The following PRKACB variants were observed in gnomAD, a reference collection of about 807,000 sequenced individuals.
The protein encoded by PRKACB is cAMP-dependent protein kinase catalytic subunit beta.
A neutral mutation model predicts 51.4 loss-of-function variants in PRKACB; 16 were observed. The observed-to-expected ratio is 0.31, with a 90% CI of 0.21 to 0.47. The LOEUF is 0.47. Ranked by LOEUF, PRKACB falls within the 20% of genes least tolerant of loss-of-function variation. The pLI is 1.00. For missense variants in PRKACB, 309 were observed against 464.5 expected, an observed-to-expected ratio of 0.67 and a Z score of 3.08; for synonymous variants, 147 against 154.4, an observed-to-expected ratio of 0.95 and a Z score of 0.35.
chr1:84,191,928 A>G (rs998394632), intron 5 of PRKACB, among the ~76,000 whole-genome samples: 2 of 152,146 alleles, frequency 1.3e-5, no homozygotes, highest in African/African-American at 2.4e-5. Context: ...GCACCCATTT[A>G]TCCAAATAGA....
intron 5 of PRKACB, among the ~76,000 whole-genome samples, chr1:84,194,641 G>A (rs1404696157): frequency 6.6e-6 from 1 of 152,074 alleles, no homozygotes; most frequent in African/African-American, 2.4e-5. Flanking sequence ...TCGATTATAG[G>A]TTGAGCACAG....
chr1:84,174,610 A>G (rs1240480132), intron 1 of PRKACB, among the ~76,000 whole-genome samples: 3 of 152,094 alleles, frequency 2.0e-5, no homozygotes, highest in Admixed American at 6.6e-5. Context: ...ACTGAAAAAT[A>G]CTAAAGTTTT....
At chr1:84,137,894 A>G (rs1283369918) in intron 1 of PRKACB, among the ~76,000 whole-genome samples, 1 of 152,224 alleles carries the variant, frequency 6.6e-6, no homozygotes, top group Non-Finnish European at 1.5e-5. Context: ...GTAGTAATGC[A>G]TTAGAGTTGG....
chr1:84,114,512 A>G (rs1432768084), intron 1 of PRKACB, among the ~76,000 whole-genome samples: 1 of 151,938 alleles, frequency 6.6e-6, no homozygotes, highest in Non-Finnish European at 1.5e-5. Context: ...ATTTTATTAC[A>G]TGTATGTAAT....
chr1:84,114,544 AT>A (rs1414009521), intron 1 of PRKACB, among the ~76,000 whole-genome samples: 1 of 152,044 alleles, frequency 6.6e-6, no homozygotes, highest in Non-Finnish European at 1.5e-5. Context: ...AAGTTAGGGT[AT>A]TTAGAGTGTC....
intron 8 of PRKACB, among the ~76,000 whole-genome samples, chr1:84,211,628 A>G (rs1188906223): frequency 6.6e-6 from 1 of 152,176 alleles, no homozygotes; most frequent in African/African-American, 2.4e-5. Context: ...TCATGGAAGG[A>G]GAATAGATAA....
rs143120908 is a variant in PRKACB, at chr1:84,085,981, G to A, written c.46+7610G>A. On this transcript the variant is annotated intron_variant, in intron 1 of 8. Coordinates refer to the PRKACB transcript ENST00000370688. ...CCAACAGTGAGACGCCAGTGCTTGT[G>A]GATTTCCACGCACAGTGGTGTGGAC... The A allele has an allele frequency of 1.8e-4, 126 of 715,124 alleles. 1 individual carries two copies. In the East Asian group the frequency reaches 3.0e-3, roughly 17 times the overall value. The allele number at this position is 715,124 out of a possible 1,614,324, so 44.3% of individuals were successfully genotyped here.
At chr1:84,089,044 G>A (rs766902655) in intron 1 of PRKACB, among the ~76,000 whole-genome samples, 1 of 152,134 alleles carries the variant, frequency 6.6e-6, no homozygotes, top group Non-Finnish European at 1.5e-5. Flanking sequence ...TGTAGCACTT[G>A]TACTACATTG....
At chr1:84,098,236 G>A (rs559321729) in intron 1 of PRKACB, among the ~76,000 whole-genome samples, 6 of 152,082 alleles carry the variant, frequency 3.9e-5, no homozygotes, top group South Asian at 2.1e-4. Context: ...AATGTTATAC[G>A]TACGCATAGT....
intron 8 of PRKACB, among the ~76,000 whole-genome samples, chr1:84,205,685 A>G: frequency 6.6e-6 from 1 of 152,258 alleles, no homozygotes; most frequent in Non-Finnish European, 1.5e-5. Context: ...GTACATATAT[A>G]TGAATATTAG....
intron 1 of PRKACB, among the ~76,000 whole-genome samples, chr1:84,150,343 CA>C (rs1654695262): frequency 6.6e-6 from 1 of 151,992 alleles, no homozygotes; most frequent in Non-Finnish European, 1.5e-5. Flanking sequence ...ATTCTCAAAA[CA>C]GTATATTGAT....
At chr1:84,200,846 T>C (rs1274165753) in intron 7 of PRKACB, among the ~76,000 whole-genome samples, 1 of 152,178 alleles carries the variant, frequency 6.6e-6, no homozygotes, top group Non-Finnish European at 1.5e-5. Flanking sequence ...AGTAAATATA[T>C]ATAGTCTTGT....
In PRKACB at chr1:84,232,950, G is replaced by A. The variant is rs537042622; in HGVS notation, c.1072-2230G>A. On this transcript the variant is annotated intron_variant, in intron 9 of 9. Transcript: ENST00000370685. ...TATTGTTATGTGTGAATTTGATCCT[G>A]TCATTATGATGTTAGCTTGTTATTT... is the stretch of plus-strand genomic sequence containing the variant. Among the ~76,000 whole-genome samples the A allele has an allele frequency of 1.1e-4, 17 of 151,830 alleles. No individual in the cohort carries two copies. In the South Asian group the frequency reaches 3.6e-3, roughly 32 times the overall value.
In PRKACB at chr1:84,163,152, A is replaced by T. The variant is rs114764842; in HGVS notation, c.188-16025A>T. Among the ~76,000 whole-genome samples the T allele has an allele frequency of 3.1e-3, 477 of 152,200 alleles. 5 individuals are homozygous for T. Among genetic ancestry groups the T allele is most frequent in the African/African-American group, 0.011 (456 of 41,548 alleles). ...CAAACACTGGGACCAGCCAGTGCTG[A>T]TGGAACTGTGTGCAAATTGAGGAGC... On this transcript the variant is annotated intron_variant, in intron 1 of 9. Transcript: ENST00000370685.
chr1:84,198,774 A>G lies in PRKACB; in HGVS notation c.783+950A>G, dbSNP rs371583619. On this transcript the variant is annotated intron_variant, in intron 7 of 9. Transcript: ENST00000370685. ...TAAACAAACAACCAAAAAAAAACCT[A>G]TATGTAATCCCACCAACCTAGACGC... is the stretch of plus-strand genomic sequence containing the variant. Among the ~76,000 whole-genome samples the G allele has an allele frequency of 7.5e-4, 113 of 150,800 alleles. 1 individual carries two copies. The South Asian group carries it at 0.018, about 24-fold the overall frequency.
chr1:84,176,620 G>A (rs1409480042), intron 1 of PRKACB, among the ~76,000 whole-genome samples: 1 of 150,928 alleles, frequency 6.6e-6, no homozygotes, highest in Non-Finnish European at 1.5e-5. Flanking sequence ...AAATGTTTCA[G>A]GAACAGGTTT....
intron 1 of PRKACB, among the ~76,000 whole-genome samples, chr1:84,128,506 C>G (rs1008265674): frequency 6.6e-6 from 1 of 152,094 alleles, no homozygotes; most frequent in East Asian, 1.9e-4. Context: ...TGTTTGCATG[C>G]TTCCAGTGTT....
At chr1:84,092,934 G>A (rs1409151825) in intron 1 of PRKACB, among the ~76,000 whole-genome samples, 1 of 141,570 alleles carries the variant, frequency 7.1e-6, no homozygotes, top group Non-Finnish European at 1.5e-5. Context: ...GTGGTATTCT[G>A]TTGTATTTTT....
chr1:84,129,563 G>A (rs1226266949), intron 1 of PRKACB, among the ~76,000 whole-genome samples: 1 of 152,150 alleles, frequency 6.6e-6, no homozygotes, highest in African/African-American at 2.4e-5. Context: ...TTAAGGTGAA[G>A]CATGTTGAAA....
Sources: allele counts gnomAD v4.1 joint callset (sites outside exome capture counted in the v4.1 genomes callset), GRCh38; gene constraint gnomAD v4.1.1; transcripts MANE v1.5; gene names NCBI Gene and HGNC (gene_info 2026-07-23, HGNC 2026-07-21).